The following PCDHGB6 variants were observed in gnomAD, a reference collection of about 807,000 sequenced individuals.
The protein encoded by PCDHGB6 is protocadherin gamma subfamily B, 6, also known as protocadherin gamma-B6.
PCDHGB6 carries 51 observed loss-of-function variants against 59.1 expected under a neutral mutation model. The observed-to-expected ratio is 0.86, with a 90% CI of 0.69 to 1.09. The LOEUF is 1.09. Among genes scored for constraint, PCDHGB6 ranks in the 50% least tolerant of loss-of-function variants. PCDHGB6 has a pLI of 0.00. For missense variants in PCDHGB6, 1,148 were observed against 1,205.1 expected (o/e 0.95, Z 0.70); for synonymous variants, 466 against 495.1 (o/e 0.94, Z 0.78).
intron 1 of PCDHGB6, chr5:141,429,167 TATAC>T (rs1240034860): frequency 7.3e-6 from 1 of 136,106 alleles, no homozygotes; most frequent in African/African-American, 2.9e-5. Flanking sequence ...AGACATTGTT[TATAC>T]ACACACACAC....
chr5:141,501,030 A>G (rs2099805050), intron 2 of PCDHGB6, among the ~76,000 whole-genome samples: 1 of 151,848 alleles, frequency 6.6e-6, no homozygotes, highest in Admixed American at 6.6e-5. Flanking sequence ...CACCACGCCC[A>G]GCTAATTTTT....
At position 141,431,513 on chromosome 5, in the gene PCDHGB6, C is replaced by A. The variant is rs1468442248; in HGVS notation, c.2418+20893C>A. ...TCAGCCCGAGTACCGCGCGAGCGTT[C>A]CGGAGAATCTGGCCTTGGGCACGCA... is the stretch of plus-strand genomic sequence containing the variant. On this transcript the variant is annotated intron_variant, in intron 1 of 3. Transcript: ENST00000520790. The surrounding 1 kb of genome is among the most constrained non-coding windows in gnomAD (Gnocchi z 4.8). 1 of 1,614,022 alleles carries A rather than the reference C, an allele frequency of 6.2e-7. No individual in the cohort carries two copies. The highest frequency in any genetic ancestry group is 1.7e-5 in the Admixed American group (1 of 60,032).
intron 3 of PCDHGB6, among the ~76,000 whole-genome samples, chr5:141,510,624 A>C (rs2099881973): frequency 6.6e-6 from 1 of 152,164 alleles, no homozygotes; most frequent in African/African-American, 2.4e-5. Flanking sequence ...TAAAACCAGA[A>C]GAGGTGGTTA....
chr5:141,418,681 C>T (rs778899235), intron 1 of PCDHGB6: 2 of 1,614,052 alleles, frequency 1.2e-6, no homozygotes, highest in Non-Finnish European at 1.7e-6. Flanking sequence ...AGGGCATCAA[C>T]TCAGAGATCA....
At chr5:141,423,384 C>G (rs1196881147) in intron 1 of PCDHGB6, 1 of 1,614,054 alleles carries the variant, frequency 6.2e-7, no homozygotes, top group Non-Finnish European at 8.5e-7. Context: ...GGCTGTGGCG[C>G]TGGCATAAGT....
intron 1 of PCDHGB6, chr5:141,417,490 T>C (rs1296739869): frequency 4.7e-6 from 1 of 210,618 alleles, no homozygotes; most frequent in Non-Finnish European, 9.3e-6. Context: ...AAGGAATCAC[T>C]GAGGAAAAAG....
chr5:141,511,265 A>G lies in PCDHGB6; in HGVS notation c.*92A>G. On this transcript the variant is annotated 3_prime_UTR_variant, in exon 4 of 4. Coordinates refer to ENST00000520790, the MANE Select transcript of PCDHGB6 (RefSeq NM_018926.3). ...ACCCAGGCCTCAGAGTTTCAGGGCT[A>G]ACCCCCAGAATACTGGTAGGGGCCA... The G allele has an allele frequency of 6.4e-7, 1 of 1,551,730 alleles. No individual in the cohort carries two copies. Among genetic ancestry groups the G allele is most frequent in the South Asian group, 1.2e-5 (1 of 83,132 alleles).
In PCDHGB6 at chr5:141,491,633, C is replaced by T; in HGVS notation, c.2419-3174C>T. Reference sequence around the variant, plus strand: ...CTAAGACCCCTCAGCGTTCAGCAGCCCACAGCTCTGGCGCTGGAGCCTGAC... The same window carrying T: ...CTAAGACCCCTCAGCGTTCAGCAGCTCACAGCTCTGGCGCTGGAGCCTGAC... On this transcript the variant is annotated intron_variant, in intron 1 of 3. Transcript: ENST00000520790. This position sits in a 1 kb window ranked among gnomAD's most constrained non-coding sequence, Gnocchi z 6.9. 2 of 1,613,916 alleles carry T rather than the reference C, an allele frequency of 1.2e-6. No homozygotes were observed.
Position 141,477,201 on chromosome 5 carries a change from C to T in PCDHGB6, c.2419-17606C>T, listed in dbSNP as rs1269388368. 6.2e-7 allele frequency: 1 copy of T among 1,614,076 alleles called. No homozygotes were observed. Among genetic ancestry groups the T allele is most frequent in the Non-Finnish European group, 8.5e-7 (1 of 1,180,056 alleles). On this transcript the variant is annotated intron_variant, in intron 1 of 3. Transcript: ENST00000520790. The surrounding 1 kb of genome is among the most constrained non-coding windows in gnomAD (Gnocchi z 4.9). ...GTCACCTCCGTGTACAGCCCAGTAC[C>T]CGAGGATGCCCCTCTGGGGACTGTC... is the stretch of plus-strand genomic sequence containing the variant.
At position 141,487,934 on chromosome 5, in the gene PCDHGB6, C is replaced by G; in HGVS notation, c.2419-6873C>G. 4.9e-6 allele frequency: 3 copies of G among 607,674 alleles called. No individual in the cohort carries two copies. Among genetic ancestry groups the G allele is most frequent in the Non-Finnish European group, 5.8e-6 (2 of 347,576 alleles). The allele number at this position is 607,674 out of a possible 1,614,324, so 37.6% of individuals were successfully genotyped here. A position where few individuals can be genotyped will look rare whatever the true frequency, so the allele number is the denominator to read the frequency against. On this transcript the variant is annotated intron_variant, in intron 1 of 3. Transcript: ENST00000520790. The surrounding 1 kb of genome is among the most constrained non-coding windows in gnomAD (Gnocchi z 5.0). ...ACAGGAGGCTACAGTGCACAGGGTA[C>G]AGTGCACCAGGCAGTCACTTGGACA... is the stretch of plus-strand genomic sequence containing the variant.
chr5:141,459,302 A>G (rs1401348885), intron 1 of PCDHGB6, among the ~76,000 whole-genome samples: 1 of 152,328 alleles, frequency 6.6e-6, no homozygotes, highest in Admixed American at 6.5e-5. Context: ...CCTATAACAT[A>G]TACTATTTTG....
At chr5:141,430,928 C>A in intron 1 of PCDHGB6, 1 of 1,607,098 alleles carries the variant, frequency 6.2e-7, no homozygotes, top group Non-Finnish European at 8.5e-7. Context: ...GCTGGAGCCC[C>A]GGGAGCTCGC....
chr5:141,453,926 T>C (rs1274875429), intron 1 of PCDHGB6, among the ~76,000 whole-genome samples: 1 of 152,256 alleles, frequency 6.6e-6, no homozygotes, highest in Non-Finnish European at 1.5e-5. Flanking sequence ...GATCAGTCAC[T>C]GTGTGCCTAT....
At chr5:141,464,604 G>A (rs1445968596) in intron 1 of PCDHGB6, among the ~76,000 whole-genome samples, 1 of 152,106 alleles carries the variant, frequency 6.6e-6, no homozygotes, top group East Asian at 1.9e-4. Context: ...AGTCTCCTTT[G>A]CAGAGTATAT....
chr5:141,436,813 G>A (rs537103294), intron 1 of PCDHGB6, among the ~76,000 whole-genome samples: 91 of 152,320 alleles, frequency 6.0e-4, no homozygotes, highest in Non-Finnish European at 1.1e-3. Flanking sequence ...TGTGACAGCT[G>A]GTTTAAAAAT....
chr5:141,423,544 C>G, intron 1 of PCDHGB6: 1 of 1,613,744 alleles, frequency 6.2e-7, no homozygotes, highest in African/African-American at 1.3e-5. Flanking sequence ...GATTTTCCCC[C>G]AGCCCAACTA....
At chr5:141,433,487 C>T (rs1052153936) in intron 1 of PCDHGB6, among the ~76,000 whole-genome samples, 3 of 152,094 alleles carry the variant, frequency 2.0e-5, no homozygotes, top group African/African-American at 7.2e-5. Context: ...TCCTGCTTCT[C>T]CCTCCCAAAC....
At chr5:141,426,834 A>G (rs1561824131) in intron 1 of PCDHGB6, 1 of 456,724 alleles carries the variant, frequency 2.2e-6, no homozygotes, top group South Asian at 1.5e-5. Flanking sequence ...GATGGACAAG[A>G]CTAAAGGCAA....
intron 1 of PCDHGB6, among the ~76,000 whole-genome samples, chr5:141,447,993 T>A (rs2098557542): frequency 6.6e-6 from 1 of 151,554 alleles, no homozygotes; most frequent in Non-Finnish European, 1.5e-5. Context: ...GGCTGAGGCA[T>A]GAGAATCGCT....
Sources: allele counts gnomAD v4.1 joint callset (sites outside exome capture counted in the v4.1 genomes callset), GRCh38; gene constraint gnomAD v4.1.1; non-coding constraint Gnocchi (gnomAD v3.1); transcripts MANE v1.5; gene names NCBI Gene and HGNC (gene_info 2026-07-23, HGNC 2026-07-21).